Variants in PRKN observed in about 807,000 individuals in gnomAD.
PRKN encodes E3 ubiquitin-protein ligase parkin.
Under a neutral mutation model 59.5 loss-of-function variants are expected in PRKN, and 56 were observed. The observed-to-expected ratio is 0.94, with a 90% CI of 0.76 to 1.18. The LOEUF (loss-of-function observed/expected upper bound fraction) is 1.18, where lower values mean the gene tolerates loss of function less well. Ranked by LOEUF, PRKN falls within the 50% of genes most tolerant of loss-of-function variation. The pLI is 0.00. For synonymous variants in PRKN, 250 were observed against 222.1 expected, an observed-to-expected ratio of 1.13 and a Z score of -1.12; for missense variants, 657 against 596.4, an observed-to-expected ratio of 1.10 and a Z score of -1.06.
intron 7 of PRKN, among the ~76,000 whole-genome samples, chr6:161,755,155 C>T (rs1018728379): frequency 3.3e-5 from 5 of 152,154 alleles, no homozygotes; most frequent in Non-Finnish European, 7.3e-5. Context: ...ACAGTTTTCT[C>T]AGGGGCTGAG....
intron 1 of PRKN, among the ~76,000 whole-genome samples, chr6:162,527,857 G>C (rs1056569626): frequency 2.5e-4 from 38 of 152,196 alleles, no homozygotes; most frequent in African/African-American, 8.9e-4. Flanking sequence ...GGACATTACA[G>C]TTAAGCCACC....
intron 2 of PRKN, among the ~76,000 whole-genome samples, chr6:162,392,731 T>A (rs1051166090): frequency 1.3e-5 from 2 of 152,210 alleles, no homozygotes; most frequent in Non-Finnish European, 2.9e-5. Context: ...TGCCATACTG[T>A]AAGCTCCTTG....
Position 161,887,517 on chromosome 6 carries a change from C to T in PRKN, c.734+85785G>A, listed in dbSNP as rs896491696. On this transcript the variant is annotated intron_variant, in intron 6 of 11. Transcript: ENST00000366898. ...TTGAAAGTACTGTGAAAGAGTTACT[C>T]ATTTTTCCTTTCAGCAAGTTAGTGA... Among the ~76,000 whole-genome samples, 6 of 152,166 alleles carry T rather than the reference C, an allele frequency of 3.9e-5. No homozygotes were observed. The East Asian group carries it at 1.2e-3, about 29-fold the overall frequency.
intron 4 of PRKN, among the ~76,000 whole-genome samples, chr6:162,076,494 T>C (rs1778832486): frequency 6.6e-6 from 1 of 152,150 alleles, no homozygotes; most frequent in African/African-American, 2.4e-5. Flanking sequence ...CTCTCTTCTA[T>C]CTTTCCCCCG....
chr6:161,984,413 A>G (rs1036810889), intron 5 of PRKN, among the ~76,000 whole-genome samples: 3 of 151,882 alleles, frequency 2.0e-5, no homozygotes, highest in African/African-American at 7.3e-5. Flanking sequence ...GTGTGCTACC[A>G]TGCTGGGTTA....
intron 7 of PRKN, among the ~76,000 whole-genome samples, chr6:161,608,697 T>A (rs927862346): frequency 6.6e-6 from 1 of 151,680 alleles, no homozygotes; most frequent in Non-Finnish European, 1.5e-5. Context: ...CACGCCCGGC[T>A]AATTTTTTTT....
chr6:162,662,070 A>C (rs1367053024), intron 1 of PRKN, among the ~76,000 whole-genome samples: 5 of 152,078 alleles, frequency 3.3e-5, no homozygotes, highest in African/African-American at 1.2e-4. Flanking sequence ...TATATCTGCA[A>C]TAAACATATG....
At chr6:162,422,354 G>C (rs1385312560) in intron 2 of PRKN, among the ~76,000 whole-genome samples, 2 of 152,122 alleles carry the variant, frequency 1.3e-5, no homozygotes, top group Admixed American at 1.3e-4. Context: ...TAACATTGCT[G>C]TCAAGCCAGT....
rs80093893 is a variant in PRKN at position 161,656,206 on chromosome 6, C to T, written c.872-86790G>A. Among the ~76,000 whole-genome samples, 1,300 of 152,286 alleles carry T rather than the reference C, an allele frequency of 8.5e-3. 21 individuals are homozygous for T. The highest frequency in any genetic ancestry group is 0.065 in the East Asian group (334 of 5,176). ...TTCGGTCAAGGAGCGAAATCCTCAG[C>T]GATGGGCGTGCAGACTGAAAGTCAG... On this transcript the variant is annotated intron_variant, in intron 7 of 11. Coordinates refer to ENST00000366898, the MANE Select transcript of PRKN (RefSeq NM_004562.3).
At chr6:161,962,204 A>T (rs1430080034) in intron 6 of PRKN, among the ~76,000 whole-genome samples, 1 of 152,232 alleles carries the variant, frequency 6.6e-6, no homozygotes, top group Non-Finnish European at 1.5e-5. Context: ...TACATAAAGG[A>T]TGTTTATAGA....
At chr6:161,992,312 C>T (rs183699384) in intron 5 of PRKN, among the ~76,000 whole-genome samples, 1 of 152,026 alleles carries the variant, frequency 6.6e-6, no homozygotes, top group African/African-American at 2.4e-5. Flanking sequence ...AGCACTCCAG[C>T]CTGGGCAAAA....
intron 4 of PRKN, among the ~76,000 whole-genome samples, chr6:162,134,221 G>T (rs561350245): frequency 6.6e-6 from 1 of 152,316 alleles, no homozygotes; most frequent in East Asian, 1.9e-4. Flanking sequence ...GAACACTACA[G>T]TGGAAGCTTG....
At chr6:162,208,813 C>T (rs1185205904) in intron 3 of PRKN, among the ~76,000 whole-genome samples, 1 of 152,090 alleles carries the variant, frequency 6.6e-6, no homozygotes, top group African/African-American at 2.4e-5. Context: ...TGTCCAGTTT[C>T]CTCACAATGA....
chr6:161,350,356 G>A (rs1784481599), intron 11 of PRKN, 145 bp from the exon 12 acceptor site: 1 of 650,710 alleles, frequency 1.5e-6, no homozygotes, highest in South Asian at 1.7e-5. Context: ...ACTTAACTGA[G>A]GGGAAAAACT....
chr6:162,112,464 A>G (rs1780480848), intron 4 of PRKN, among the ~76,000 whole-genome samples: 1 of 152,206 alleles, frequency 6.6e-6, no homozygotes, highest in African/African-American at 2.4e-5. Context: ...AAAGTCACAA[A>G]AGAATTGAAG....
At chr6:161,924,279 T>C (rs1778887664) in intron 6 of PRKN, among the ~76,000 whole-genome samples, 2 of 152,082 alleles carry the variant, frequency 1.3e-5, no homozygotes, top group South Asian at 2.1e-4. Context: ...CCTCACACAC[T>C]CCAGGAAGGC....
intron 2 of PRKN, among the ~76,000 whole-genome samples, chr6:162,263,917 A>G (rs1479647921): frequency 1.3e-5 from 2 of 150,038 alleles, no homozygotes; most frequent in African/African-American, 4.9e-5. Context: ...TATCTACTAC[A>G]TAGAAGCAGT....
chr6:161,902,423 A>AT (rs1203318842), intron 6 of PRKN, among the ~76,000 whole-genome samples: 2 of 152,234 alleles, frequency 1.3e-5, no homozygotes, highest in African/African-American at 4.8e-5. Flanking sequence ...GACGGTCTAA[A>AT]TATTTCATAT....
Position 161,771,365 on chromosome 6 carries a change from AAAAAAATAAAATAAAATAAAATAAAAT to A in PRKN, c.871+14380_871+14406del, listed in dbSNP as rs1196743758. Among the ~76,000 whole-genome samples, 5 of 100,172 alleles carry A rather than the reference AAAAAAATAAAATAAAATAAAATAAAAT, an allele frequency of 5.0e-5. 1 individual carries two copies. The highest frequency in any genetic ancestry group is 1.9e-4 in the African/African-American group (5 of 25,730). The allele number at this position is 100,172 out of a possible 152,430, so 65.7% of individuals were successfully genotyped here. ...AACAAGACTCCACCTCAAAAAAAAA[AAAAAAATAAAATAAAATAAAATAAAAT>A]AAAATAAAAGCACTGCTGTGCTTGA... On this transcript the variant is annotated intron_variant, in intron 7 of 11. Transcript: ENST00000366898.
Sources: allele counts gnomAD v4.1 joint callset (sites outside exome capture counted in the v4.1 genomes callset), GRCh38; gene constraint gnomAD v4.1.1; transcripts MANE v1.5; gene names NCBI Gene and HGNC (gene_info 2026-07-23, HGNC 2026-07-21).